VWC2: variants seen among roughly 807,000 people sequenced by gnomAD.
VWC2 encodes the protein von Willebrand factor C domain containing 2, also known as brorin.
A neutral mutation model predicts 29.8 loss-of-function variants in VWC2; 14 were observed. The ratio of observed to expected loss-of-function variants is 0.47; its 90% CI spans 0.31 to 0.74. The LOEUF is 0.74. Ranked by LOEUF, VWC2 falls within the 30% of genes least tolerant of loss-of-function variation. The pLI is 0.05. For synonymous variants in VWC2, 213 were observed against 199.0 expected (o/e 1.07, Z -0.59); for missense variants, 457 against 459.8 (o/e 0.99, Z 0.05).
chr7:49,833,587 T>G (rs915639511), intron 3 of VWC2, among the ~76,000 whole-genome samples: 1 of 152,154 alleles, frequency 6.6e-6, no homozygotes, highest in South Asian at 2.1e-4. Flanking sequence ...AAAAATGAGG[T>G]AATCAGTGGT....
At chr7:49,793,834 T>C (rs776395406) in intron 2 of VWC2, among the ~76,000 whole-genome samples, 58 of 152,118 alleles carry the variant, frequency 3.8e-4, no homozygotes, top group Admixed American at 3.9e-4. Flanking sequence ...GGACACAGAG[T>C]CCAAGATCAG....
In VWC2 at chr7:49,789,120, A is replaced by AGT. The variant is rs545937457; in HGVS notation, c.696+12999_696+13000dup. On this transcript the variant is annotated intron_variant, in intron 2 of 3. Coordinates refer to ENST00000340652, the MANE Select transcript of VWC2 (RefSeq NM_198570.5). ...TGTGAGAGAGAGATTGAGAGAGTGTAGTGTGTGTGTGAATGGATGTATGAG... is the reference window on the plus strand; with the variant it reads ...TGTGAGAGAGAGATTGAGAGAGTGTAGTGTGTGTGTGTGAATGGATGTATGAG... Among the ~76,000 whole-genome samples the AGT allele has an allele frequency of 5.5e-3, 659 of 119,340 alleles. 2 individuals carry two copies. The highest frequency in any genetic ancestry group is 9.2e-3 in the Non-Finnish European group (545 of 59,282). The allele number at this position is 119,340 out of a possible 152,430, so 78.3% of individuals were successfully genotyped here.
intron 3 of VWC2, among the ~76,000 whole-genome samples, chr7:49,859,498 GTTC>G (rs1192799668): frequency 6.6e-6 from 1 of 151,816 alleles, no homozygotes; most frequent in East Asian, 1.9e-4. Flanking sequence ...TTTTCTTGTT[GTTC>G]TTCACGTGGA....
intron 3 of VWC2, among the ~76,000 whole-genome samples, chr7:49,894,308 G>A (rs1206988309): frequency 2.0e-5 from 3 of 152,074 alleles, no homozygotes; most frequent in East Asian, 1.9e-4. Context: ...AGATAGCACC[G>A]CCATGCCCGG....
At chr7:49,817,672 A>G (rs1413537662) in intron 3 of VWC2, among the ~76,000 whole-genome samples, 1 of 152,224 alleles carries the variant, frequency 6.6e-6, no homozygotes, top group East Asian at 1.9e-4. Context: ...TTACCCCAGG[A>G]GGTATCCATA....
chr7:49,816,172 G>T (rs1407852162), intron 3 of VWC2, among the ~76,000 whole-genome samples: 2 of 152,164 alleles, frequency 1.3e-5, no homozygotes, highest in African/African-American at 4.8e-5. Flanking sequence ...AAGAATGGAT[G>T]CCGACTAGAT....
chr7:49,820,290 C>T (rs1222148694), intron 3 of VWC2, among the ~76,000 whole-genome samples: 1 of 152,068 alleles, frequency 6.6e-6, no homozygotes, highest in Non-Finnish European at 1.5e-5. Flanking sequence ...GCACCATGAA[C>T]GATGATTACC....
intron 2 of VWC2, among the ~76,000 whole-genome samples, chr7:49,792,857 T>G (rs1040702640): frequency 6.6e-6 from 1 of 152,190 alleles, no homozygotes; most frequent in African/African-American, 2.4e-5. Flanking sequence ...ATCTTGGTAC[T>G]GTGATGTCGG....
intron 3 of VWC2, among the ~76,000 whole-genome samples, chr7:49,833,821 C>A (rs1378801180): frequency 6.6e-6 from 1 of 152,110 alleles, no homozygotes; most frequent in Non-Finnish European, 1.5e-5. Flanking sequence ...ACAATGTAAG[C>A]AACTTACCAT....
intron 3 of VWC2, among the ~76,000 whole-genome samples, chr7:49,903,876 G>A (rs976974373): frequency 6.6e-6 from 1 of 152,164 alleles, no homozygotes; most frequent in Non-Finnish European, 1.5e-5. Flanking sequence ...CAAGAGGAAA[G>A]ACTGGCTGGT....
intron 3 of VWC2, among the ~76,000 whole-genome samples, chr7:49,807,183 T>C (rs1788898874): frequency 6.6e-6 from 1 of 152,206 alleles, no homozygotes; most frequent in Non-Finnish European, 1.5e-5. Context: ...ATGTTCATGA[T>C]TGAAAGACTC....
chr7:49,899,866 T>C (rs1485510686), intron 3 of VWC2, among the ~76,000 whole-genome samples: 3 of 151,918 alleles, frequency 2.0e-5, no homozygotes, highest in African/African-American at 7.2e-5. Flanking sequence ...AATAGCATAA[T>C]ACACATTATT....
intron 2 of VWC2, among the ~76,000 whole-genome samples, chr7:49,789,207 G>A (rs570424347): frequency 6.7e-6 from 1 of 148,774 alleles, no homozygotes; most frequent in African/African-American, 2.5e-5. Context: ...GAGTGTGGGT[G>A]TGTGTGTGTG....
intron 2 of VWC2, among the ~76,000 whole-genome samples, chr7:49,795,319 T>C (rs1275467410): frequency 9.9e-5 from 15 of 152,218 alleles, no homozygotes; most frequent in Non-Finnish European, 1.5e-4. Context: ...AAGAAGACAT[T>C]GACAGAGGGA....
intron 2 of VWC2, among the ~76,000 whole-genome samples, chr7:49,789,564 C>G (rs914526894): frequency 6.6e-6 from 1 of 152,088 alleles, no homozygotes; most frequent in Non-Finnish European, 1.5e-5. Context: ...TTTTAAAAGT[C>G]TATTCTTAGG....
chr7:49,918,543 A>G lies in VWC2; in HGVS notation c.*6358A>G, dbSNP rs1793843772. 6.6e-6 allele frequency: 1 copy of G among 152,232 alleles called. No individual in the cohort carries two copies. Among genetic ancestry groups the G allele is most frequent in the South Asian group, 2.1e-4 (1 of 4,830 alleles). 9.4% of individuals were successfully genotyped at this position (152,232 alleles called of 1,614,324 possible). A position where few individuals can be genotyped will look rare whatever the true frequency, so the allele number is the denominator to read the frequency against. ...CTAGAGATCTCTTTTTAAAAATAGT[A>G]TTGAAGCATCAGGTTGTTCAGGTAT... On this transcript the variant is annotated 3_prime_UTR_variant, in exon 4 of 4. Coordinates refer to ENST00000340652, the MANE Select transcript of VWC2 (RefSeq NM_198570.5).
In VWC2 at chr7:49,781,612, A is replaced by G. The variant is rs187990654; in HGVS notation, c.696+5481A>G. On this transcript the variant is annotated intron_variant, in intron 2 of 3. Coordinates refer to ENST00000340652, the MANE Select transcript of VWC2 (RefSeq NM_198570.5). ...CAGGATTTGAATCCTAGCGTGTTGG[A>G]CTCTGAAGATCGTGCATAGTGTCTT... 4.6e-5 allele frequency among the ~76,000 whole-genome samples: 7 copies of G among 152,208 alleles called. No individual in the cohort carries two copies. The East Asian group carries it at 1.3e-3, about 29-fold the overall frequency.
At chr7:49,804,681 G>A (rs11974187) in intron 3 of VWC2, among the ~76,000 whole-genome samples, 3,627 of 152,132 alleles carry the variant, frequency 0.024, 153 homozygotes, top group African/African-American at 0.081. Flanking sequence ...CAAACCTACA[G>A]AAAAGTTGAA....
At chr7:49,811,202 A>G (rs1354590765) in intron 3 of VWC2, among the ~76,000 whole-genome samples, 2 of 152,186 alleles carry the variant, frequency 1.3e-5, no homozygotes, top group Admixed American at 1.3e-4. Flanking sequence ...AAAGGATTGA[A>G]AGACAGTTCA....
Sources: gnomAD v4.1 joint callset for allele counts (sites outside exome capture counted in the v4.1 genomes callset) on GRCh38, gnomAD v4.1.1 for gene constraint, MANE v1.5 for transcripts, NCBI Gene and HGNC (gene_info 2026-07-23, HGNC 2026-07-21) for gene names.